Variants in HOMER2 observed in about 807,000 individuals in gnomAD.
The protein encoded by HOMER2 is homer scaffold protein 2.
Under a neutral mutation model 47.0 loss-of-function variants are expected in HOMER2, and 27 were observed. The observed-to-expected ratio is 0.57, with a 90% CI of 0.42 to 0.79. The LOEUF is 0.79. Among genes scored for constraint, HOMER2 ranks in the 30% least tolerant of loss-of-function variants. The pLI is 0.00. For missense variants in HOMER2, 443 were observed against 435.0 expected, an observed-to-expected ratio of 1.02 and a Z score of -0.16; for synonymous variants, 161 against 163.8, an observed-to-expected ratio of 0.98 and a Z score of 0.13.
At chr15:82,939,406 C>G (rs1654860007) in intron 1 of HOMER2, among the ~76,000 whole-genome samples, 1 of 152,184 alleles carries the variant, frequency 6.6e-6, no homozygotes, top group Non-Finnish European at 1.5e-5. Flanking sequence ...GTGGCTCACG[C>G]CTGTAATCCC....
chr15:82,899,740 T>A (rs2053049216), intron 1 of HOMER2, among the ~76,000 whole-genome samples: 1 of 152,174 alleles, frequency 6.6e-6, no homozygotes, highest in Non-Finnish European at 1.5e-5. Flanking sequence ...ACAGATTGTC[T>A]GGCCAGGCAA....
chr15:82,850,458 G>A (rs180758009), intron 8 of HOMER2, among the ~76,000 whole-genome samples: 10 of 152,206 alleles, frequency 6.6e-5, no homozygotes, highest in Non-Finnish European at 1.3e-4. Context: ...GTTCTGTGGC[G>A]CTGGGCCCCA....
upstream of HOMER2, among the ~76,000 whole-genome samples, chr15:82,956,853 G>C (rs1403852792): frequency 2.0e-5 from 3 of 152,186 alleles, no homozygotes; most frequent in African/African-American, 7.2e-5. Flanking sequence ...AAAGGCATCA[G>C]TATTAGACTC....
rs776579994 is a variant in HOMER2, at chr15:82,892,851, G to A, written c.6-10C>T. 6.5e-7 allele frequency: 1 copy of A among 1,541,766 alleles called. No homozygotes were observed. The highest frequency in any genetic ancestry group is 8.8e-7 in the Non-Finnish European group (1 of 1,132,424). On this transcript the variant is annotated splice_polypyrimidine_tract_variant and intron_variant, in intron 1 of 8. Coordinates refer to ENST00000450735, the MANE Select transcript of HOMER2 (RefSeq NM_004839.4). ...GAAGATGGGCTGTTCTCTGCAATAA[G>A]AGAGTGGGCGTGTGAGTTGAGAGAA...
At chr15:82,969,102 C>CAT (rs1363143624) in intron 1 of HOMER2, among the ~76,000 whole-genome samples, 1 of 152,184 alleles carries the variant, frequency 6.6e-6, no homozygotes, top group African/African-American at 2.4e-5. Context: ...AAGAATTATC[C>CAT]ATAGTTGTTT....
intron 1 of HOMER2, among the ~76,000 whole-genome samples, chr15:82,912,095 G>C (rs2053469524): frequency 6.6e-6 from 1 of 152,120 alleles, no homozygotes; most frequent in South Asian, 2.1e-4. Context: ...TATTTGTATT[G>C]AGATATAATG....
intron 1 of HOMER2, among the ~76,000 whole-genome samples, chr15:82,897,245 T>C (rs896948943): frequency 2.8e-4 from 42 of 152,038 alleles, no homozygotes; most frequent in Non-Finnish European, 5.4e-4. Flanking sequence ...TTTGTATTTT[T>C]AGTAGAGACG....
chr15:82,909,898 G>A (rs559073379), intron 1 of HOMER2, among the ~76,000 whole-genome samples: 1 of 152,182 alleles, frequency 6.6e-6, no homozygotes, highest in Non-Finnish European at 1.5e-5. Flanking sequence ...ACTTTGGGAG[G>A]CCGGGACAGA....
chr15:82,907,435 G>T (rs1346671821), intron 1 of HOMER2, among the ~76,000 whole-genome samples: 2 of 137,942 alleles, frequency 1.4e-5, no homozygotes, highest in African/African-American at 6.2e-5. Flanking sequence ...GAGAAGGAAA[G>T]AAAGAAAGAA....
intron 1 of HOMER2, among the ~76,000 whole-genome samples, chr15:82,947,897 C>T (rs531475078): frequency 1.3e-5 from 2 of 152,292 alleles, no homozygotes; most frequent in East Asian, 3.9e-4. Context: ...TGGGATGCTA[C>T]TGGGGGAAGA....
intron 1 of HOMER2, chr15:82,985,628 C>T (rs755414307): frequency 8.5e-5 from 13 of 152,178 alleles, no homozygotes; most frequent in African/African-American, 1.2e-4. Context: ...AGAGGCCAAG[C>T]TTTGTCGGGA....
Position 82,875,420 on chromosome 15 carries a change from C to G in HOMER2, c.163-16G>C, listed in dbSNP as rs889734680. On this transcript the variant is annotated splice_polypyrimidine_tract_variant and intron_variant, in intron 2 of 8. Transcript: ENST00000450735. Reference sequence around the variant, plus strand: ...TTATGATCACCTGCAGAAAAACAGCCCAAAGAGTGAAAATTTAAATGTTGA... The same window carrying G: ...TTATGATCACCTGCAGAAAAACAGCGCAAAGAGTGAAAATTTAAATGTTGA... The G allele has an allele frequency of 2.5e-6, 4 of 1,612,870 alleles. No homozygotes were observed. Among genetic ancestry groups the G allele is most frequent in the Non-Finnish European group, 3.4e-6 (4 of 1,179,236 alleles).
chr15:82,915,694 T>C (rs1341155015), intron 1 of HOMER2, among the ~76,000 whole-genome samples: 1 of 152,124 alleles, frequency 6.6e-6, no homozygotes, highest in East Asian at 1.9e-4. Flanking sequence ...AATAAAGCCT[T>C]AGAACTGCAT....
At chr15:82,970,559 T>A (rs2029950710) in intron 1 of HOMER2, among the ~76,000 whole-genome samples, 1 of 152,228 alleles carries the variant, frequency 6.6e-6, no homozygotes, top group Non-Finnish European at 1.5e-5. Context: ...TACTGAATAA[T>A]CTATTTCAAG....
At chr15:82,920,191 A>T (rs112496432) in intron 1 of HOMER2, among the ~76,000 whole-genome samples, 111 of 151,976 alleles carry the variant, frequency 7.3e-4, no homozygotes, top group African/African-American at 2.5e-3. Context: ...CCACATCATG[A>T]CCTCCTTCAT....
intron 1 of HOMER2, among the ~76,000 whole-genome samples, chr15:82,895,547 T>C (rs1325294484): frequency 6.6e-6 from 1 of 152,244 alleles, no homozygotes. Context: ...ACACACAGTA[T>C]TCTCCTACAT....
intron 5 of HOMER2, among the ~76,000 whole-genome samples, chr15:82,857,109 G>A (rs554808138): frequency 6.6e-6 from 1 of 152,178 alleles, no homozygotes; most frequent in East Asian, 1.9e-4. Flanking sequence ...TTAGGAGGCG[G>A]GGGGGCGGGT....
chr15:82,954,028 G>T (rs1171966823), upstream of HOMER2, among the ~76,000 whole-genome samples: 1 of 152,174 alleles, frequency 6.6e-6, no homozygotes, highest in Non-Finnish European at 1.5e-5. Flanking sequence ...AGCGAGCCGA[G>T]ATCATGCCAC....
chr15:82,950,213 G>C (rs2054477076), intron 1 of HOMER2, among the ~76,000 whole-genome samples: 1 of 152,184 alleles, frequency 6.6e-6, no homozygotes, highest in South Asian at 2.1e-4. Flanking sequence ...AAGGGGAATA[G>C]GTATGAAATA....
Sources: allele counts gnomAD v4.1 joint callset (sites outside exome capture counted in the v4.1 genomes callset), GRCh38; gene constraint gnomAD v4.1.1; transcripts MANE v1.5; gene names NCBI Gene and HGNC (gene_info 2026-07-23, HGNC 2026-07-21).